SYK: variants seen among roughly 807,000 people sequenced by gnomAD.
SYK encodes the protein spleen associated tyrosine kinase.
SYK carries 16 observed loss-of-function variants against 77.8 expected under a neutral mutation model. The observed-to-expected ratio is 0.21, with a 90% confidence interval of 0.14 to 0.31. SYK has a LOEUF of 0.31. Among genes scored for constraint, SYK ranks in the 10% least tolerant of loss-of-function variants. SYK has a pLI of 1.00. For synonymous variants in SYK, 312 were observed against 308.7 expected, an observed-to-expected ratio of 1.01 and a Z score of -0.11; for missense variants, 529 against 814.4, an observed-to-expected ratio of 0.65 and a Z score of 4.26.
chr9:90,859,458 T>C (rs1329185885), intron 3 of SYK, among the ~76,000 whole-genome samples: 1 of 152,230 alleles, frequency 6.6e-6, no homozygotes, highest in Non-Finnish European at 1.5e-5. Context: ...ATTTGCTCAT[T>C]TTATTGCTTT....
At chr9:90,888,420 A>G (rs1159293437) in intron 12 of SYK, 95 bp from the exon 13 acceptor site, 1 of 838,708 alleles carries the variant, frequency 1.2e-6, no homozygotes, top group Non-Finnish European at 1.8e-6. Context: ...AAATCATACA[A>G]TGTGTACTCC....
rs1050725168 is a variant in SYK, at chr9:90,887,729, T to C, written c.1582-20T>C. Reference sequence around the variant, plus strand: ...ACAATTTTATTCTTAATGGAATTTCTCCCTCTGCTTTGCTTTTAGGCCCAG... The same window carrying C: ...ACAATTTTATTCTTAATGGAATTTCCCCCTCTGCTTTGCTTTTAGGCCCAG... On this transcript the variant is annotated intron_variant, in intron 11 of 13. Transcript: ENST00000375754. 1.9e-6 allele frequency: 3 copies of C among 1,587,086 alleles called. No homozygotes were observed. The South Asian group carries it at 3.4e-5, about 18-fold the overall frequency.
At chr9:90,860,678 G>A (rs576258988) in intron 3 of SYK, among the ~76,000 whole-genome samples, 28 of 152,222 alleles carry the variant, frequency 1.8e-4, no homozygotes, top group African/African-American at 6.7e-4. Context: ...GCATGGCCAA[G>A]CACCGCTAGA....
intron 11 of SYK, among the ~76,000 whole-genome samples, chr9:90,881,126 C>T (rs1828134698): frequency 6.6e-6 from 1 of 152,212 alleles, no homozygotes; most frequent in South Asian, 2.1e-4. Context: ...TAGATAGAAC[C>T]ACCCTTTTGA....
At chr9:90,862,485 T>C in intron 4 of SYK, 141 bp downstream of exon 4, 1 of 1,043,088 alleles carries the variant, frequency 9.6e-7, no homozygotes, top group Non-Finnish European at 1.3e-6. Context: ...GCTCTGGAGC[T>C]CATGAGAAAC....
At chr9:90,841,997 GTGTGCAGTGTGTGATA>G (rs1826377466) in intron 1 of SYK, among the ~76,000 whole-genome samples, 1 of 138,336 alleles carries the variant, frequency 7.2e-6, no homozygotes, top group South Asian at 2.3e-4. Flanking sequence ...TGTGTGTTGT[GTGTGCAGTGTGTGATA>G]TGTGTAGTGT....
intron 11 of SYK, among the ~76,000 whole-genome samples, chr9:90,879,899 A>T (rs113366833): frequency 1.4e-4 from 22 of 152,350 alleles, no homozygotes; most frequent in African/African-American, 5.0e-4. Flanking sequence ...AAATGAACCA[A>T]TAACAACTAA....
intron 1 of SYK, among the ~76,000 whole-genome samples, chr9:90,812,778 TGAGAGAGA>T (rs58859744): frequency 0.017 from 2,250 of 135,840 alleles, 38 homozygotes; most frequent in Middle Eastern, 0.035. Flanking sequence ...TGTGTGTGTG[TGAGAGAGA>T]GAGATTGAGA....
Position 90,878,917 on chromosome 9 carries a change from T to C in SYK, c.1545T>C (p.Leu515=), listed in dbSNP as rs2306040. 0.081 allele frequency: 130,144 copies of C among 1,612,422 alleles called. 8,369 individuals carry two copies. Among genetic ancestry groups the C allele is most frequent in the Admixed American group, 0.33 (19,619 of 60,000 alleles). Residue 515 remains leucine (L), a synonymous_variant, in exon 11 of 14, where the codon CTT becomes CTC. Transcript: ENST00000375754. ...ACGCCAAGATCAGTGATTTCGGACT[T>C]TCCAAAGCACTGCGTGCTGATGAAA... is the stretch of plus-strand genomic sequence containing the variant. ...QHYAKISDFG[L]SKALRADENY... is the part of the protein sequence containing the mutation.
At chr9:90,837,401 G>A (rs768344233) in intron 1 of SYK, among the ~76,000 whole-genome samples, 1 of 152,086 alleles carries the variant, frequency 6.6e-6, no homozygotes, top group Non-Finnish European at 1.5e-5. Context: ...ATGTGCGGGG[G>A]TGGCCAAGGT....
At position 90,861,171 on chromosome 9, in the gene SYK, G is replaced by A. The variant is rs374297657; in HGVS notation, c.579-1035G>A. ...CCTTTTCAGCCTCCACTGGGACCTC[G>A]AACTCCCCAAGTCCCACAGGTCTTC... On this transcript the variant is annotated intron_variant, in intron 3 of 13. Coordinates refer to ENST00000375754, the MANE Select transcript of SYK (RefSeq NM_003177.7). Among the ~76,000 whole-genome samples, 21 of 152,182 alleles carry A rather than the reference G, an allele frequency of 1.4e-4. 2 individuals carry two copies. The highest frequency in any genetic ancestry group is 2.4e-4 in the African/African-American group (10 of 41,518).
intron 7 of SYK, among the ~76,000 whole-genome samples, chr9:90,868,030 C>G (rs1448944229): frequency 6.6e-6 from 1 of 151,842 alleles, no homozygotes; most frequent in Admixed American, 6.6e-5. Context: ...ATTGAGCATC[C>G]ACTCATGAAA....
chr9:90,863,151 A>G (rs185917939), intron 4 of SYK, among the ~76,000 whole-genome samples: 223 of 152,342 alleles, frequency 1.5e-3, no homozygotes, highest in African/African-American at 5.1e-3. Context: ...CATCACAGCT[A>G]CACTGGCTGA....
intron 9 of SYK, among the ~76,000 whole-genome samples, chr9:90,876,309 A>G (rs1469195440): frequency 8.7e-6 from 1 of 115,124 alleles, no homozygotes; most frequent in African/African-American, 3.0e-5. Flanking sequence ...AAAAAAAAGA[A>G]AGAAAGAAAA....
At chr9:90,855,728 GAAAA>G (rs571627148) in intron 3 of SYK, among the ~76,000 whole-genome samples, 270 of 152,170 alleles carry the variant, frequency 1.8e-3, no homozygotes, top group African/African-American at 6.1e-3. Flanking sequence ...GACAGACAGA[GAAAA>G]AGAAAGAACC....
At chr9:90,816,481 C>T (rs995999754) in intron 1 of SYK, among the ~76,000 whole-genome samples, 4 of 152,152 alleles carry the variant, frequency 2.6e-5, no homozygotes, top group East Asian at 1.9e-4. Flanking sequence ...TCTTCTGGCT[C>T]GTTGTGTTTC....
At chr9:90,843,717 GTT>G in intron 1 of SYK, 139 bp from the exon 2 acceptor site, 2 of 530,330 alleles carry the variant, frequency 3.8e-6, no homozygotes, top group Non-Finnish European at 6.2e-6. Context: ...ACAACTGTGT[GTT>G]GGGAGGGCCA....
chr9:90,840,638 T>G (rs975717282), intron 1 of SYK, among the ~76,000 whole-genome samples: 2 of 151,600 alleles, frequency 1.3e-5, no homozygotes, highest in African/African-American at 2.4e-5. Context: ...ATCAGCACAC[T>G]GTGTTTCCAG....
chr9:90,894,585 G>A (rs1342941831), intron 13 of SYK, among the ~76,000 whole-genome samples: 1 of 152,162 alleles, frequency 6.6e-6, no homozygotes, highest in Non-Finnish European at 1.5e-5. Flanking sequence ...ATATGAAATT[G>A]CCATTGATAT....
Sources: gnomAD v4.1 joint callset for allele counts (sites outside exome capture counted in the v4.1 genomes callset) on GRCh38, gnomAD v4.1.1 for gene constraint, MANE v1.5 for transcripts, NCBI Gene and HGNC (gene_info 2026-07-23, HGNC 2026-07-21) for gene names.